Variants in DOK6 observed in about 807,000 individuals in gnomAD.
The protein encoded by DOK6 is docking protein 6, also known as downstream of tyrosine kinase 6.
DOK6 carries 22 observed loss-of-function variants against 44.0 expected under a neutral mutation model. That is an observed-to-expected ratio of 0.50 (90% confidence interval 0.36 to 0.71). The LOEUF is 0.71. DOK6 is among the 30% of genes least tolerant of loss of function. DOK6 has a pLI of 0.00. For synonymous variants in DOK6, 166 were observed against 145.5 expected, an observed-to-expected ratio of 1.14 and a Z score of -1.01; for missense variants, 340 against 416.4, an observed-to-expected ratio of 0.82 and a Z score of 1.60.
chr18:69,450,677 T>A (rs1010034401), intron 1 of DOK6, among the ~76,000 whole-genome samples: 4 of 151,892 alleles, frequency 2.6e-5, no homozygotes, highest in Non-Finnish European at 5.9e-5. Context: ...TGGGTTACCC[T>A]CAAAGGGAAG....
intron 3 of DOK6, among the ~76,000 whole-genome samples, chr18:69,644,334 C>A (rs72961477): frequency 6.6e-6 from 1 of 152,038 alleles, no homozygotes; most frequent in Non-Finnish European, 1.5e-5. Flanking sequence ...GAACTCTTTG[C>A]GTACTCTTAA....
chr18:69,742,711 A>G (rs969602136), intron 6 of DOK6, among the ~76,000 whole-genome samples: 2 of 152,258 alleles, frequency 1.3e-5, no homozygotes, highest in Non-Finnish European at 2.9e-5. Context: ...GTTCCTTCTC[A>G]AGTAGCCCAG....
At chr18:69,676,298 G>C (rs1985920673) in intron 3 of DOK6, among the ~76,000 whole-genome samples, 1 of 152,198 alleles carries the variant, frequency 6.6e-6, no homozygotes, top group Admixed American at 6.5e-5. Flanking sequence ...AGTATGTCAT[G>C]GTCTTGAGAA....
At chr18:69,416,932 AT>A (rs1978356729) in intron 1 of DOK6, among the ~76,000 whole-genome samples, 2 of 152,032 alleles carry the variant, frequency 1.3e-5, no homozygotes, top group South Asian at 4.1e-4. Context: ...TAATTTTTAA[AT>A]TTTTTTATGT....
intron 6 of DOK6, among the ~76,000 whole-genome samples, chr18:69,744,193 C>T (rs1312334128): frequency 5.3e-5 from 8 of 151,736 alleles, no homozygotes; most frequent in Non-Finnish European, 1.2e-4. Context: ...GCCTGTAATC[C>T]CAGCTACTCA....
intron 1 of DOK6, among the ~76,000 whole-genome samples, chr18:69,497,417 G>GTTT (rs761469688): frequency 6.6e-6 from 1 of 152,112 alleles, no homozygotes; most frequent in Non-Finnish European, 1.5e-5. Flanking sequence ...CCAATGCCAC[G>GTTT]TTTCACAAGC....
At chr18:69,541,334 A>G (rs1224965719) in intron 1 of DOK6, among the ~76,000 whole-genome samples, 1 of 151,530 alleles carries the variant, frequency 6.6e-6, no homozygotes, top group Non-Finnish European at 1.5e-5. Flanking sequence ...TGCCTTATTC[A>G]TAATGGCTTA....
chr18:69,737,578 T>C (rs2144736531), intron 5 of DOK6, among the ~76,000 whole-genome samples: 1 of 152,322 alleles, frequency 6.6e-6, no homozygotes, highest in South Asian at 2.1e-4. Context: ...ATCATAAATA[T>C]GACCTTCATC....
At chr18:69,558,555 C>A (rs1190977966) in intron 1 of DOK6, among the ~76,000 whole-genome samples, 2 of 152,056 alleles carry the variant, frequency 1.3e-5, no homozygotes, top group East Asian at 3.9e-4. Flanking sequence ...ATGGTGAATT[C>A]ATATTTCCTA....
intron 3 of DOK6, among the ~76,000 whole-genome samples, chr18:69,625,870 T>C (rs1984546655): frequency 1.3e-5 from 2 of 152,198 alleles, no homozygotes; most frequent in African/African-American, 4.8e-5. Flanking sequence ...ATTATCTCAG[T>C]GAAAATAAAG....
intron 3 of DOK6, among the ~76,000 whole-genome samples, chr18:69,628,622 C>G (rs1347361939): frequency 6.6e-6 from 1 of 152,092 alleles, no homozygotes; most frequent in Non-Finnish European, 1.5e-5. Flanking sequence ...TGGTATGAAA[C>G]TTTTCCTAAA....
chr18:69,792,290 G>A (rs1014225828), intron 7 of DOK6, among the ~76,000 whole-genome samples: 3 of 151,922 alleles, frequency 2.0e-5, no homozygotes, highest in East Asian at 1.9e-4. Context: ...GAATGTTATC[G>A]GTATTTTTGA....
chr18:69,728,761 C>T (rs1167745395), intron 5 of DOK6, among the ~76,000 whole-genome samples: 2 of 152,158 alleles, frequency 1.3e-5, no homozygotes, highest in Non-Finnish European at 2.9e-5. Context: ...CTTACCTTCT[C>T]AACTACAAGC....
intron 7 of DOK6, among the ~76,000 whole-genome samples, chr18:69,817,470 C>G (rs140471690): frequency 4.3e-4 from 65 of 152,254 alleles, no homozygotes; most frequent in African/African-American, 1.5e-3. Context: ...TCTCACAGTT[C>G]TGAAAGCTGA....
intron 2 of DOK6, among the ~76,000 whole-genome samples, chr18:69,588,397 T>A (rs1368994542): frequency 6.6e-6 from 1 of 152,168 alleles, no homozygotes; most frequent in Non-Finnish European, 1.5e-5. Context: ...TGTTCTTCCA[T>A]CCTTAGGATT....
At chr18:69,542,823 G>T (rs1982304454) in intron 1 of DOK6, among the ~76,000 whole-genome samples, 1 of 151,572 alleles carries the variant, frequency 6.6e-6, no homozygotes, top group South Asian at 2.1e-4. Flanking sequence ...GAGGTGAAAA[G>T]CTTCTGTTCA....
At chr18:69,841,097 G>C in intron 7 of DOK6, 147 bp from the exon 8 acceptor site, 1 of 956,128 alleles carries the variant, frequency 1.0e-6, no homozygotes, top group Non-Finnish European at 1.5e-6. Flanking sequence ...AACTTATCTT[G>C]AGCTCAATAT....
At chr18:69,821,264 A>G (rs1981560579) in intron 7 of DOK6, among the ~76,000 whole-genome samples, 3 of 152,052 alleles carry the variant, frequency 2.0e-5, no homozygotes, top group Admixed American at 2.0e-4. Flanking sequence ...CACACTTCCT[A>G]TGTGGGCCCA....
At chr18:69,450,898 C>G (rs1469098637) in intron 1 of DOK6, among the ~76,000 whole-genome samples, 1 of 150,044 alleles carries the variant, frequency 6.7e-6, no homozygotes, top group African/African-American at 2.5e-5. Context: ...CCTAAAAGAG[C>G]TCCTGAAAGA....
Sources: allele counts gnomAD v4.1 joint callset (sites outside exome capture counted in the v4.1 genomes callset), GRCh38; gene constraint gnomAD v4.1.1; transcripts MANE v1.5; gene names NCBI Gene and HGNC (gene_info 2026-07-23, HGNC 2026-07-21).